ARHGEF28: variants seen among roughly 807,000 people sequenced by gnomAD.
The protein encoded by ARHGEF28 is Rho guanine nucleotide exchange factor 28.
In ARHGEF28, 152 loss-of-function variants were observed where a neutral mutation model predicts 206.6. The ratio of observed to expected loss-of-function variants is 0.74; its 90% CI spans 0.64 to 0.84. The LOEUF is 0.84. Ranked by LOEUF, ARHGEF28 falls within the 40% of genes least tolerant of loss-of-function variation. The pLI is 0.00. For synonymous variants in ARHGEF28, 763 were observed against 776.4 expected (o/e 0.98, Z 0.29); for missense variants, 2,028 against 2,073.2 (o/e 0.98, Z 0.42).
rs115858218 is a variant in ARHGEF28 at position 73,813,528 on chromosome 5, A to G, written c.1024+18137A>G. On this transcript the variant is annotated intron_variant, in intron 9 of 35. Transcript: ENST00000513042. ...GGGGAGGCTTGCCTCCTGGCTGGGG[A>G]CGCCCCGAGTTCTTCCTGAGTCTCT... is the stretch of plus-strand genomic sequence containing the variant. 4.3e-3 allele frequency: 6,612 copies of G among 1,529,274 alleles called. 210 individuals carry two copies. In the African/African-American group the frequency reaches 0.078, roughly 18 times the overall value. 94.7% of individuals were successfully genotyped at this position (1,529,274 alleles called of 1,614,324 possible). A position where few individuals can be genotyped will look rare whatever the true frequency, so the allele number is the denominator to read the frequency against.
intron 30 of ARHGEF28, chr5:73,900,305 G>A (rs1295711457): frequency 6.6e-6 from 1 of 152,118 alleles, no homozygotes; most frequent in Non-Finnish European, 1.5e-5. Flanking sequence ...AGTGAATATC[G>A]ATTTTGTCAG....
chr5:73,855,023 T>C (rs1181194559), intron 14 of ARHGEF28, among the ~76,000 whole-genome samples: 3 of 152,326 alleles, frequency 2.0e-5, no homozygotes, highest in African/African-American at 7.2e-5. Flanking sequence ...TTGTGAGTGA[T>C]GCTATCGGTC....
intron 7 of ARHGEF28, 91 bp from the exon 8 acceptor site, chr5:73,794,311 G>T: frequency 9.5e-7 from 1 of 1,056,780 alleles, no homozygotes. Flanking sequence ...GAAGGCTCCT[G>T]GGCAACTCAT....
intron 9 of ARHGEF28, among the ~76,000 whole-genome samples, chr5:73,798,983 G>A (rs1419858860): frequency 1.3e-5 from 2 of 152,134 alleles, no homozygotes; most frequent in Non-Finnish European, 2.9e-5. Flanking sequence ...CTACTTGGGG[G>A]GCTGAGGCAG....
intron 9 of ARHGEF28, among the ~76,000 whole-genome samples, chr5:73,827,606 G>C (rs1756992658): frequency 6.6e-6 from 1 of 152,196 alleles, no homozygotes; most frequent in Non-Finnish European, 1.5e-5. Flanking sequence ...TGGTGGAGTA[G>C]AGACTTGAAC....
At chr5:73,764,408 A>C (rs957740056) in intron 4 of ARHGEF28, among the ~76,000 whole-genome samples, 1 of 152,238 alleles carries the variant, frequency 6.6e-6, no homozygotes, top group Non-Finnish European at 1.5e-5. Flanking sequence ...TTAAAGTTGC[A>C]ACTGATTTAG....
intron 2 of ARHGEF28, among the ~76,000 whole-genome samples, chr5:73,730,911 C>T (rs1701067092): frequency 6.6e-6 from 1 of 151,402 alleles, no homozygotes; most frequent in South Asian, 2.1e-4. Context: ...TGAAAACTAA[C>T]ATCTTAGATG....
At chr5:73,654,416 G>A (rs1430652564) in intron 1 of ARHGEF28, among the ~76,000 whole-genome samples, 1 of 152,210 alleles carries the variant, frequency 6.6e-6, no homozygotes, top group Non-Finnish European at 1.5e-5. Flanking sequence ...GCCACTGAGA[G>A]ATTGGCAGTA....
chr5:73,825,693 G>A, intron 9 of ARHGEF28, among the ~76,000 whole-genome samples: 1 of 152,178 alleles, frequency 6.6e-6, no homozygotes, highest in Non-Finnish European at 1.5e-5. Flanking sequence ...TGCAGTGGAG[G>A]TGATGAGAAA....
At position 73,788,297 on chromosome 5, in the gene ARHGEF28, A is replaced by G. The variant is rs12108844; in HGVS notation, c.911-6105A>G. On this transcript the variant is annotated intron_variant, in intron 7 of 35. Coordinates refer to ENST00000513042, the MANE Select transcript of ARHGEF28 (RefSeq NM_001177693.2). ...TGACTTGCTTAATTTTATTCAAGCC[A>G]TTGATTAACTTAGGAAAATTATGCC... Among the ~76,000 whole-genome samples the G allele has an allele frequency of 1.0e-3, 158 of 152,330 alleles. 2 individuals carry two copies. The highest frequency in any genetic ancestry group is 3.6e-3 in the African/African-American group (151 of 41,586).
At chr5:73,845,456 G>A (rs767436580) in intron 11 of ARHGEF28, among the ~76,000 whole-genome samples, 4 of 152,044 alleles carry the variant, frequency 2.6e-5, no homozygotes, top group Non-Finnish European at 4.4e-5. Flanking sequence ...TCCTTGGTGT[G>A]CCTCTGCCCT....
chr5:73,922,385 C>CA (rs1255685773), intron 35 of ARHGEF28, among the ~76,000 whole-genome samples: 1 of 152,232 alleles, frequency 6.6e-6, no homozygotes, highest in Non-Finnish European at 1.5e-5. Flanking sequence ...AATACACTGA[C>CA]ATTTGCTAGA....
intron 9 of ARHGEF28, among the ~76,000 whole-genome samples, chr5:73,810,302 A>C (rs1755765355): frequency 6.6e-6 from 1 of 152,248 alleles, no homozygotes; most frequent in Non-Finnish European, 1.5e-5. Context: ...GGTGTCTCAC[A>C]TGTATTGGTT....
At chr5:73,781,209 G>A (rs1036091299) in intron 7 of ARHGEF28, among the ~76,000 whole-genome samples, 1 of 152,146 alleles carries the variant, frequency 6.6e-6, no homozygotes, top group Non-Finnish European at 1.5e-5. Flanking sequence ...TAGAATTGAG[G>A]CATCAGGGCT....
intron 2 of ARHGEF28, among the ~76,000 whole-genome samples, chr5:73,700,717 C>T (rs930579236): frequency 2.6e-5 from 4 of 152,028 alleles, no homozygotes; most frequent in African/African-American, 7.3e-5. Flanking sequence ...ACAATATGTA[C>T]ATATCAAAAT....
chr5:73,669,519 A>G (rs1378668639), intron 1 of ARHGEF28, among the ~76,000 whole-genome samples: 1 of 152,140 alleles, frequency 6.6e-6, no homozygotes, highest in Non-Finnish European at 1.5e-5. Flanking sequence ...ACATTGACAC[A>G]TGTTATCAAT....
intron 1 of ARHGEF28, among the ~76,000 whole-genome samples, chr5:73,626,928 C>T (rs908403934): frequency 3.3e-5 from 5 of 152,064 alleles, no homozygotes; most frequent in Non-Finnish European, 7.4e-5. Context: ...CCTTAAATAC[C>T]CGGGGTGTAT....
chr5:73,837,710 TCTTCCTTC>T (rs545384858), intron 10 of ARHGEF28, among the ~76,000 whole-genome samples: 2 of 150,876 alleles, frequency 1.3e-5, no homozygotes, highest in African/African-American at 2.4e-5. Flanking sequence ...TTTCTTTCTT[TCTTCCTTC>T]CTTCCTTCCT....
At chr5:73,882,266 A>C (rs1338691241) in intron 22 of ARHGEF28, among the ~76,000 whole-genome samples, 1 of 152,198 alleles carries the variant, frequency 6.6e-6, no homozygotes, top group African/African-American at 2.4e-5. Flanking sequence ...ATATAATATC[A>C]CATTATGTTG....
Sources: gnomAD v4.1 joint callset for allele counts (sites outside exome capture counted in the v4.1 genomes callset) on GRCh38, gnomAD v4.1.1 for gene constraint, MANE v1.5 for transcripts, NCBI Gene and HGNC (gene_info 2026-07-23, HGNC 2026-07-21) for gene names.